DMD: variants seen among roughly 807,000 people sequenced by gnomAD.
DMD encodes dystrophin.
DMD carries 63 observed loss-of-function variants against 330.1 expected under a neutral mutation model. That is an observed-to-expected ratio of 0.19 (90% confidence interval 0.16 to 0.24). The LOEUF is 0.24. DMD is among the 10% of genes least tolerant of loss of function. DMD has a pLI of 1.00. For synonymous variants in DMD, 1,223 were observed against 959.8 expected (o/e 1.27, Z -5.07); for missense variants, 3,344 against 2,684.1 (o/e 1.25, Z -5.43).
chrX:32,634,166 G>A (rs1293415659), intron 11 of DMD, among the ~76,000 whole-genome samples: 1 of 111,730 alleles, frequency 9.0e-6, no homozygotes, highest in East Asian at 2.8e-4. Flanking sequence ...AGAGAGTACT[G>A]TCTGAGGTCC....
At chrX:31,819,927 T>G in intron 50 of DMD, 48 bp downstream of exon 50, 1 of 1,080,036 alleles carries the variant, frequency 9.3e-7, no homozygotes, top group Non-Finnish European at 1.3e-6. Flanking sequence ...TAGTTGCACT[T>G]TTGAACAAAT....
At position 33,033,462 on chromosome X, in the gene DMD, G is replaced by A. The variant is rs762323648; in HGVS notation, c.32-13262C>T. Among the ~76,000 whole-genome samples, 4 of 107,623 alleles carry A rather than the reference G, an allele frequency of 3.7e-5. No individual in the cohort carries two copies. The East Asian group carries it at 1.2e-3, about 32-fold the overall frequency. 93.5% of individuals were successfully genotyped at this position (107,623 alleles called of 115,157 possible). A position where few individuals can be genotyped will look rare whatever the true frequency, so the allele number is the denominator to read the frequency against. ...GCGGTGGCTCACGCCTGTAATCCCGGCACTTTGGGAGGCCGAGGTGGGCGG... is the reference window on the plus strand; with the variant it reads ...GCGGTGGCTCACGCCTGTAATCCCGACACTTTGGGAGGCCGAGGTGGGCGG... On this transcript the variant is annotated intron_variant, in intron 1 of 78. Coordinates refer to ENST00000357033, the MANE Select transcript of DMD (RefSeq NM_004006.3).
intron 77 of DMD, among the ~76,000 whole-genome samples, chrX:31,133,789 T>A (rs2034821768): frequency 8.9e-6 from 1 of 111,810 alleles, no homozygotes; most frequent in Non-Finnish European, 1.9e-5. Flanking sequence ...AAAAGTCACA[T>A]AATAATTGCT....
At chrX:31,196,483 G>C (rs970459227) in intron 67 of DMD, among the ~76,000 whole-genome samples, 2 of 111,074 alleles carry the variant, frequency 1.8e-5, no homozygotes, top group Non-Finnish European at 3.8e-5. Flanking sequence ...GGAAACCTAA[G>C]TGAAGGAGGG....
Position 32,205,041 on chromosome X carries a change from A to ACACACC in DMD, c.6438+11874_6438+11875insGGTGTG, listed in dbSNP as rs1177814403. Among the ~76,000 whole-genome samples, 535 of 73,535 alleles carry ACACACC rather than the reference A, an allele frequency of 7.3e-3. 6 individuals carry two copies. Among genetic ancestry groups the ACACACC allele is most frequent in the Non-Finnish European group, 0.013 (440 of 35,146 alleles). The allele number at this position is 73,535 out of a possible 115,157, so 63.9% of individuals were successfully genotyped here. ...CACACACACACACACACACACACAC[A>ACACACC]CCCACACACACACAGTCGCAATTAA... is the stretch of plus-strand genomic sequence containing the variant. On this transcript the variant is annotated intron_variant, in intron 44 of 78. Transcript: ENST00000357033.
In DMD at chrX:32,334,275, C is replaced by G. The variant is rs774086030; in HGVS notation, c.5922+7825G>C. Among the ~76,000 whole-genome samples, 3 of 111,635 alleles carry G rather than the reference C, an allele frequency of 2.7e-5. No homozygotes were observed. In the East Asian group the frequency reaches 8.4e-4, roughly 31 times the overall value. ...CATCCTGGTGCAACATTTCCCTTAA[C>G]AACCATTATTAGTCTTTTGTATTTA... is the stretch of plus-strand genomic sequence containing the variant. On this transcript the variant is annotated intron_variant, in intron 41 of 78. Transcript: ENST00000357033.
intron 9 of DMD, among the ~76,000 whole-genome samples, chrX:32,694,165 C>A (rs986308471): frequency 1.8e-5 from 2 of 111,281 alleles, no homozygotes; most frequent in African/African-American, 3.3e-5. Flanking sequence ...TTCTAGCCAC[C>A]TTTTTCAGCC....
intron 55 of DMD, among the ~76,000 whole-genome samples, chrX:31,567,770 C>A (rs1326034445): frequency 9.0e-6 from 1 of 110,633 alleles, no homozygotes; most frequent in Non-Finnish European, 1.9e-5. Flanking sequence ...AGATTACTCA[C>A]AGCAAAGCAG....
intron 44 of DMD, among the ~76,000 whole-genome samples, chrX:32,063,378 C>A (rs1333250650): frequency 9.0e-6 from 1 of 111,324 alleles, no homozygotes; most frequent in Non-Finnish European, 1.9e-5. Context: ...AGAAGTTCTG[C>A]TGGAAGCTAC....
chrX:31,408,418 T>A (rs2061495495), intron 60 of DMD, among the ~76,000 whole-genome samples: 1 of 111,271 alleles, frequency 9.0e-6, no homozygotes, highest in Middle Eastern at 4.2e-3. Flanking sequence ...TTTTTTTTTT[T>A]AATTTGAGAC....
chrX:32,417,698 C>T (rs780375492), intron 29 of DMD, among the ~76,000 whole-genome samples: 4 of 110,444 alleles, frequency 3.6e-5, no homozygotes, highest in African/African-American at 1.3e-4. Flanking sequence ...GATCAAGAGG[C>T]TTGAAGATGT....
chrX:31,414,603 G>A (rs183619559), intron 60 of DMD, among the ~76,000 whole-genome samples: 12 of 111,737 alleles, frequency 1.1e-4, no homozygotes, highest in Admixed American at 7.6e-4. Flanking sequence ...TAATTACGCC[G>A]CTATCTAAAA....
Position 33,075,114 on chromosome X carries a change from C to T in DMD, c.32-54914G>A, listed in dbSNP as rs781414491. On this transcript the variant is annotated intron_variant, in intron 1 of 78. Transcript: ENST00000357033. The stretch of plus-strand genomic sequence containing the variant: ...CCAACTACTCTTGCAGACAACATCA[C>T]TATTGTAGAACTTAAGATTGGCCTT... 1.2e-4 allele frequency among the ~76,000 whole-genome samples: 13 copies of T among 111,750 alleles called. No individual in the cohort carries two copies. In the South Asian group the frequency reaches 3.0e-3, roughly 26 times the overall value.
At chrX:32,406,681 C>T (rs752187121) in intron 30 of DMD, among the ~76,000 whole-genome samples, 20 of 110,741 alleles carry the variant, frequency 1.8e-4, no homozygotes, top group African/African-American at 6.6e-4. Flanking sequence ...ATTTTTGCAT[C>T]GATGTTCATC....
At chrX:32,310,018 C>T in intron 42 of DMD, 64 bp downstream of exon 42, 1 of 1,020,379 alleles carries the variant, frequency 9.8e-7, no homozygotes, top group Non-Finnish European at 1.4e-6. Context: ...GTCAATTGTT[C>T]TGGCACTATG....
chrX:32,822,018 G>T (rs188468628), intron 5 of DMD, among the ~76,000 whole-genome samples: 1 of 111,554 alleles, frequency 9.0e-6, no homozygotes, highest in East Asian at 2.8e-4. Context: ...TTTACACTTA[G>T]AATGAGTACA....
intron 1 of DMD, among the ~76,000 whole-genome samples, chrX:33,240,501 T>C (rs1341184684): frequency 8.9e-6 from 1 of 112,015 alleles, no homozygotes; most frequent in African/African-American, 3.2e-5. Context: ...ATCTCAGCAA[T>C]TGTGAATGTG....
intron 63 of DMD, among the ~76,000 whole-genome samples, chrX:31,226,483 T>C (rs887220227): frequency 1.8e-4 from 20 of 112,232 alleles, no homozygotes; most frequent in African/African-American, 5.2e-4. Context: ...TGAAATGCTA[T>C]ATATACAGAT....
intron 60 of DMD, among the ~76,000 whole-genome samples, chrX:31,363,425 G>C (rs2059066014): frequency 1.1e-5 from 1 of 91,162 alleles, no homozygotes; most frequent in African/African-American, 4.4e-5. Flanking sequence ...TCTGTCACCA[G>C]GCTGGAGTGC....
Sources: allele counts gnomAD v4.1 joint callset (sites outside exome capture counted in the v4.1 genomes callset), GRCh38; gene constraint gnomAD v4.1.1; transcripts MANE v1.5; gene names NCBI Gene and HGNC (gene_info 2026-07-23, HGNC 2026-07-21).